FHOD3: variants seen among roughly 807,000 people sequenced by gnomAD.
The protein encoded by FHOD3 is FH1/FH2 domain-containing protein 3.
A neutral mutation model predicts 173.0 loss-of-function variants in FHOD3; 90 were observed. That is an observed-to-expected ratio of 0.52 (90% CI 0.44 to 0.62). The LOEUF (loss-of-function observed/expected upper bound fraction) is 0.62, where lower values mean the gene tolerates loss of function less well. Among genes scored for constraint, FHOD3 ranks in the 20% least tolerant of loss-of-function variants. FHOD3 has a pLI of 0.00. For synonymous variants in FHOD3, 828 were observed against 823.0 expected, an observed-to-expected ratio of 1.01 and a Z score of -0.10; for missense variants, 1,945 against 2,034.7, an observed-to-expected ratio of 0.96 and a Z score of 0.85.
chr18:36,647,565 A>G (rs74341501), intron 10 of FHOD3, among the ~76,000 whole-genome samples: 1,999 of 152,316 alleles, frequency 0.013, 19 homozygotes, highest in Middle Eastern at 0.027. Flanking sequence ...GAACCCAAGC[A>G]TATCTTATGA....
At chr18:36,674,412 C>T (rs996601942) in intron 14 of FHOD3, among the ~76,000 whole-genome samples, 4 of 152,140 alleles carry the variant, frequency 2.6e-5, no homozygotes, top group African/African-American at 9.7e-5. Flanking sequence ...CAGGGTCTTG[C>T]TCTGTCACCC....
rs1456195933 is a variant in FHOD3 at position 36,759,241 on chromosome 18, G to A, written c.4449+100G>A. The A allele has an allele frequency of 7.7e-6, 10 of 1,303,122 alleles. No homozygotes were observed. In the African/African-American group the frequency reaches 1.3e-4, roughly 17 times the overall value. 80.7% of individuals were successfully genotyped at this position (1,303,122 alleles called of 1,614,324 possible). On this transcript the variant is annotated intron_variant, in intron 26 of 28. Coordinates refer to ENST00000590592, the MANE Select transcript of FHOD3 (RefSeq NM_001281740.3). ...CAGCATGAAGTGTCAGCACCATTCA[G>A]TGCTTTAAACAATGCATGGACATTT... is the stretch of plus-strand genomic sequence containing the variant.
chr18:36,658,422 C>G (rs2036565639), intron 14 of FHOD3, among the ~76,000 whole-genome samples: 1 of 152,158 alleles, frequency 6.6e-6, no homozygotes, highest in Non-Finnish European at 1.5e-5. Context: ...ACACACTTTC[C>G]ATAGAAAGTA....
rs141073034 is a variant in FHOD3, at chr18:36,680,928, T to A, written c.1836-508T>A. On this transcript the variant is annotated intron_variant, in intron 14 of 28. Coordinates refer to ENST00000590592, the MANE Select transcript of FHOD3 (RefSeq NM_001281740.3). ...AATAGTTTTATAAAATCACTTTTTT[T>A]AAAATTTTAGATTTGGTGGTACATG... Among the ~76,000 whole-genome samples the A allele has an allele frequency of 1.8e-3, 277 of 152,356 alleles. 1 individual carries two copies. Among genetic ancestry groups the A allele is most frequent in the African/African-American group, 6.4e-3 (267 of 41,590 alleles).
At chr18:36,512,857 TG>T (rs2055736890) in intron 5 of FHOD3, among the ~76,000 whole-genome samples, 1 of 152,174 alleles carries the variant, frequency 6.6e-6, no homozygotes. Context: ...TAAATGGGCT[TG>T]GGTAAAGCCT....
At position 36,742,728 on chromosome 18, in the gene FHOD3, A is replaced by G. The variant is rs745374052; in HGVS notation, c.3760-9A>G. The G allele has an allele frequency of 5.0e-6, 8 of 1,595,926 alleles. No individual in the cohort carries two copies. Among genetic ancestry groups the G allele is most frequent in the Non-Finnish European group, 6.0e-6 (7 of 1,175,376 alleles). The stretch of plus-strand genomic sequence containing the variant: ...ACTCTTTATTGTCTAATTTTTTTTT[A>G]ACTGAAAGGAAGTAGCAGAACCACT... On this transcript the variant is annotated splice_polypyrimidine_tract_variant and intron_variant, in intron 21 of 28. Transcript: ENST00000590592.
intron 25 of FHOD3, among the ~76,000 whole-genome samples, chr18:36,755,739 T>C (rs2042605852): frequency 6.6e-6 from 1 of 152,218 alleles, no homozygotes; most frequent in African/African-American, 2.4e-5. Flanking sequence ...ATAACGGTGC[T>C]GTGTAACCAA....
rs1166059916 is a variant in FHOD3, at chr18:36,769,387, C to T, written c.4747C>T (p.Pro1583Ser). 6.2e-7 allele frequency: 1 copy of T among 1,614,008 alleles called. No homozygotes were observed. Among genetic ancestry groups the T allele is most frequent in the Admixed American group, 1.7e-5 (1 of 60,008 alleles). ...CCAAGTGCCCAGTCAGCGAGTGGTG[C>T]CGAGGGAGAGGAAACGATCCCGGGC... is the stretch of plus-strand genomic sequence containing the variant. ...ATQVPSQRVVPRERKRSRANR... is the reference protein window; with the variant it reads ...ATQVPSQRVVSRERKRSRANR... The change falls in exon 28 of 29, where the codon CCG becomes TCG. Residue 1583 changes from proline (P) to serine (S), a missense_variant. Physicochemically the swap from Pro to Ser is moderately conservative, Grantham distance 74. Transcript: ENST00000590592.
chr18:36,461,266 C>G (rs757096401), intron 3 of FHOD3, among the ~76,000 whole-genome samples: 2 of 152,192 alleles, frequency 1.3e-5, no homozygotes, highest in Non-Finnish European at 2.9e-5. Flanking sequence ...TTCCATTGCT[C>G]TTTCCTCACT....
chr18:36,538,855 G>T (rs1333513563), intron 5 of FHOD3, among the ~76,000 whole-genome samples: 1 of 152,154 alleles, frequency 6.6e-6, no homozygotes. Context: ...TCTTGACTGG[G>T]GTGGTAGTTA....
intron 10 of FHOD3, among the ~76,000 whole-genome samples, chr18:36,642,313 A>G (rs1457908631): frequency 1.3e-5 from 2 of 152,176 alleles, no homozygotes; most frequent in Admixed American, 1.3e-4. Context: ...TTGTTTCGTT[A>G]CATATTTTAA....
At chr18:36,757,774 A>G (rs1230095642) in intron 25 of FHOD3, among the ~76,000 whole-genome samples, 3 of 152,154 alleles carry the variant, frequency 2.0e-5, no homozygotes, top group Non-Finnish European at 4.4e-5. Context: ...CTCCCAGGCC[A>G]GGATCACTGA....
At chr18:36,537,132 GTA>G (rs2147006275) in intron 5 of FHOD3, among the ~76,000 whole-genome samples, 1 of 152,202 alleles carries the variant, frequency 6.6e-6, no homozygotes, top group South Asian at 2.1e-4. Context: ...TAGCTTCCAG[GTA>G]GTCAGTATGG....
At chr18:36,383,682 T>C (rs550326454) in intron 3 of FHOD3, among the ~76,000 whole-genome samples, 2 of 152,240 alleles carry the variant, frequency 1.3e-5, no homozygotes, top group Non-Finnish European at 2.9e-5. Context: ...TACCAGGCAC[T>C]GGGCAAAGCA....
intron 3 of FHOD3, among the ~76,000 whole-genome samples, chr18:36,385,185 C>G (rs1185997744): frequency 6.6e-6 from 1 of 152,060 alleles, no homozygotes; most frequent in African/African-American, 2.4e-5. Flanking sequence ...CAAGTAACGC[C>G]CAATTAATGT....
At chr18:36,403,928 T>C (rs1429185377) in intron 3 of FHOD3, among the ~76,000 whole-genome samples, 2 of 152,234 alleles carry the variant, frequency 1.3e-5, no homozygotes, top group African/African-American at 4.8e-5. Flanking sequence ...CAAGCCCCAG[T>C]GCCCTTGGGG....
chr18:36,644,535 G>A (rs17747740), intron 10 of FHOD3, among the ~76,000 whole-genome samples: 10,704 of 152,198 alleles, frequency 0.07, 644 homozygotes, highest in East Asian at 0.24. Context: ...TCATTGTGCT[G>A]TCTGCCCTTG....
chr18:36,337,557 A>G (rs2045384842), intron 1 of FHOD3, among the ~76,000 whole-genome samples: 3 of 152,200 alleles, frequency 2.0e-5, no homozygotes, highest in Admixed American at 2.0e-4. Context: ...GCCATCCTTC[A>G]GCATCCTGGA....
chr18:36,675,878 C>T (rs573324118), intron 14 of FHOD3, among the ~76,000 whole-genome samples: 17 of 152,264 alleles, frequency 1.1e-4, no homozygotes, highest in African/African-American at 3.9e-4. Context: ...AAATCATTCT[C>T]CTGTATAAAC....
Sources: allele counts gnomAD v4.1 joint callset (sites outside exome capture counted in the v4.1 genomes callset), GRCh38; gene constraint gnomAD v4.1.1; transcripts MANE v1.5; gene names NCBI Gene and HGNC (gene_info 2026-07-23, HGNC 2026-07-21).